The following CKAP2 variants were observed in gnomAD, a reference collection of about 807,000 sequenced individuals.
The protein encoded by CKAP2 is cytoskeleton-associated protein 2.
Under a neutral mutation model 58.4 loss-of-function variants are expected in CKAP2, and 46 were observed. The ratio of observed to expected loss-of-function variants is 0.79; its 90% CI spans 0.62 to 1.01. The LOEUF is 1.01. Among genes scored for constraint, CKAP2 ranks in the 50% least tolerant of loss-of-function variants. The probability of loss-of-function intolerance (pLI) is 0.00; values close to 1 mark genes in which losing one functional copy is unlikely to be tolerated. For missense variants in CKAP2, 809 were observed against 796.4 expected, an observed-to-expected ratio of 1.02 and a Z score of -0.19; for synonymous variants, 293 against 280.9, an observed-to-expected ratio of 1.04 and a Z score of -0.43.
chr13:52,460,879 G>A lies in CKAP2; in HGVS notation c.156-20G>A. 1.2e-6 allele frequency: 2 copies of A among 1,606,566 alleles called. No homozygotes were observed. The highest frequency in any genetic ancestry group is 2.2e-5 in the South Asian group (2 of 90,540). ...TGGTACAGGATTGATTGATCATTTT[G>A]TTTGTTTGTTTTTAAGTAGTAGAGA... is the stretch of plus-strand genomic sequence containing the variant. On this transcript the variant is annotated intron_variant, in intron 2 of 8. Transcript: ENST00000258607.
chr13:52,461,521 C>A lies in CKAP2; in HGVS notation c.695C>A (p.Ser232Tyr). ...TSSVTVKSNR[S>Y]SNMTATTKFV... Reference sequence around the variant, plus strand: ...AGTGTAACAGTGAAAAGTAATAGATCCTCCAATATGACTGCCACTACTAAA... The same window carrying A: ...AGTGTAACAGTGAAAAGTAATAGATACTCCAATATGACTGCCACTACTAAA... Residue 232 changes from serine to tyrosine, a missense_variant, in exon 4 of 9, where the codon TCC (serine) becomes TAC (tyrosine). Around this residue, in one of 3 missense-constraint regions of CKAP2, gnomAD observed 523 missense variants for 492.4 expected, o/e 1.06. Transcript: ENST00000258607. 1 of 1,614,126 alleles carries A rather than the reference C, an allele frequency of 6.2e-7. No homozygotes were observed.
chr13:52,465,570 G>A, intron 6 of CKAP2, 105 bp downstream of exon 6: 2 of 972,186 alleles, frequency 2.1e-6, no homozygotes, highest in Non-Finnish European at 3.2e-6. Flanking sequence ...CTTTGTATAT[G>A]TAGTGGTAAT....
intron 7 of CKAP2, among the ~76,000 whole-genome samples, chr13:52,469,563 T>C (rs1336729917): frequency 1.3e-5 from 2 of 151,978 alleles, no homozygotes; most frequent in Non-Finnish European, 2.9e-5. Context: ...TTTGGGACCA[T>C]TGAATGAAAT....
chr13:52,461,126 TC>T lies in CKAP2; in HGVS notation c.302del (p.Pro101LeufsTer2). ...ATACAGTGGTGGGGAAACATTGTAT[TC>T]CTTTAAAACCTTCAAATGAACTAAC... is the stretch of plus-strand genomic sequence containing the variant. ...NNTVVGKHCI[P>X]LKPSNELTNS... is the part of the protein sequence containing the mutation. On this transcript the variant is annotated frameshift_variant, in exon 4 of 9. Coordinates refer to ENST00000258607, the MANE Select transcript of CKAP2 (RefSeq NM_018204.5). LOFTEE classifies it high-confidence loss of function. 6.2e-7 allele frequency: 1 copy of T among 1,611,808 alleles called. No homozygotes were observed. Among genetic ancestry groups the T allele is most frequent in the Non-Finnish European group, 8.5e-7 (1 of 1,179,418 alleles).
intron 2 of CKAP2, among the ~76,000 whole-genome samples, chr13:52,459,497 G>T (rs1479074864): frequency 1.3e-5 from 2 of 151,994 alleles, no homozygotes; most frequent in East Asian, 1.9e-4. Flanking sequence ...CAATATTTTT[G>T]ATTTTAGTAG....
At chr13:52,456,996 G>A (rs879440305) in intron 2 of CKAP2, among the ~76,000 whole-genome samples, 2 of 151,930 alleles carry the variant, frequency 1.3e-5, no homozygotes, top group Non-Finnish European at 2.9e-5. Flanking sequence ...GGGTTCAAGT[G>A]AATCTCCTGC....
At chr13:52,462,643 T>C (rs779911323) in intron 5 of CKAP2, 76 bp downstream of exon 5, 2 of 1,194,910 alleles carry the variant, frequency 1.7e-6, no homozygotes, top group South Asian at 1.5e-5. Context: ...TAAATTATAT[T>C]GTCAGTCTTT....
intron 7 of CKAP2, among the ~76,000 whole-genome samples, chr13:52,470,562 AAATT>A (rs1958748621): frequency 6.6e-6 from 1 of 152,214 alleles, no homozygotes; most frequent in Admixed American, 6.5e-5. Context: ...CTAAAGTTCT[AAATT>A]AAGTATGTTA....
At chr13:52,455,679 C>G (rs886541014) in intron 1 of CKAP2, 53 bp downstream of exon 1, 1 of 1,436,284 alleles carries the variant, frequency 7.0e-7, no homozygotes, top group Non-Finnish European at 9.2e-7. Context: ...GTGGCGGGCG[C>G]GGGCCCGGCG....
At chr13:52,456,370 G>A (rs539819853) in intron 1 of CKAP2, among the ~76,000 whole-genome samples, 153 bp from the exon 2 acceptor site, 3 of 152,170 alleles carry the variant, frequency 2.0e-5, no homozygotes, top group Non-Finnish European at 4.4e-5. Flanking sequence ...TTTCTCAAAG[G>A]CAATATTGAA....
Position 52,460,963 on chromosome 13 carries a change from A to C in CKAP2, c.220A>C (p.Lys74Gln). 2 of 1,613,642 alleles carry C rather than the reference A, an allele frequency of 1.2e-6. No individual in the cohort carries two copies. The highest frequency in any genetic ancestry group is 4.5e-5 in the East Asian group (2 of 44,718). Residue 74 changes from lysine to glutamine, a missense_variant, in exon 3 of 9, where the codon AAA (lysine) becomes CAA (glutamine). Transcript: ENST00000258607. ...VQEGTKVLKL[K>Q]TKMADKENMK... ...AGAAGGGACTAAAGTGCTGAAACTT[A>C]AAACAAAAATGGTAAGATGTGGACA...
At chr13:52,459,217 C>CT (rs1958532787) in intron 2 of CKAP2, among the ~76,000 whole-genome samples, 1 of 152,158 alleles carries the variant, frequency 6.6e-6, no homozygotes, top group Non-Finnish European at 1.5e-5. Context: ...TGTCAAAGTT[C>CT]TGTTCCTTCT....
intron 2 of CKAP2, among the ~76,000 whole-genome samples, chr13:52,457,234 G>GA (rs1379474738): frequency 6.6e-6 from 1 of 151,908 alleles, no homozygotes; most frequent in Non-Finnish European, 1.5e-5. Flanking sequence ...CACAGTCTAA[G>GA]AGAAAAAAAC....
At chr13:52,456,210 ACTT>A (rs1375750182) in intron 1 of CKAP2, 3 of 1,059,768 alleles carry the variant, frequency 2.8e-6, no homozygotes, top group African/African-American at 3.3e-5. Context: ...CTAGTGCCTC[ACTT>A]CTACCATTTA....
chr13:52,468,354 TTTAG>T lies in CKAP2; in HGVS notation c.1546+11_1546+14del. ...CAAGAAAAAGCTAATTTAGGTAAGT[TTTAG>T]TTATTTTATTTCCTTCATGTGAACT... On this transcript the variant is annotated splice_region_variant and intron_variant, in intron 7 of 8. Transcript: ENST00000258607. 2 of 1,518,404 alleles carry T rather than the reference TTTAG, an allele frequency of 1.3e-6. No individual in the cohort carries two copies. Among genetic ancestry groups the T allele is most frequent in the Non-Finnish European group, 1.8e-6 (2 of 1,108,404 alleles). The allele number at this position is 1,518,404 out of a possible 1,614,324, so 94.1% of individuals were successfully genotyped here.
chr13:52,468,387 G>GT (rs369389198), intron 7 of CKAP2, 40 bp downstream of exon 7: 2,387 of 1,173,676 alleles, frequency 2.0e-3, no homozygotes, highest in Non-Finnish European at 2.3e-3. Context: ...GTGAACTGTA[G>GT]TTTTTTTTTG....
At chr13:52,456,816 A>G (rs1958490986) in intron 2 of CKAP2, among the ~76,000 whole-genome samples, 1 of 152,146 alleles carries the variant, frequency 6.6e-6, no homozygotes, top group Non-Finnish European at 1.5e-5. Flanking sequence ...CATTTGGTCT[A>G]TCCACATTTC....
Position 52,456,188 on chromosome 13 carries a change from G to A in CKAP2, c.71-335G>A, listed in dbSNP as rs1323484519. On this transcript the variant is annotated intron_variant, in intron 1 of 8. Transcript: ENST00000258607. The stretch of plus-strand genomic sequence containing the variant: ...CATCTAACCCAGTTCTGGTAAATTA[G>A]AACTTTCGAGTCTAGTGCCTCACTT... The A allele has an allele frequency of 2.8e-6, 3 of 1,062,082 alleles. No homozygotes were observed. The African/African-American group carries it at 5.0e-5, about 18-fold the overall frequency. 65.8% of individuals were successfully genotyped at this position (1,062,082 alleles called of 1,614,324 possible).
chr13:52,464,549 G>A (rs1256678457), intron 5 of CKAP2, among the ~76,000 whole-genome samples: 6 of 90,330 alleles, frequency 6.6e-5, no homozygotes, highest in Admixed American at 3.3e-4. Context: ...GCAAAACTCC[G>A]TCTCAAAAAA....
Sources: allele counts gnomAD v4.1 joint callset (sites outside exome capture counted in the v4.1 genomes callset), GRCh38; gene constraint gnomAD v4.1.1; regional missense constraint gnomAD v4.1.1; transcripts MANE v1.5; gene names NCBI Gene and HGNC (gene_info 2026-07-23, HGNC 2026-07-21).